Variants in CRPPA observed in about 807,000 individuals in gnomAD.
The protein encoded by CRPPA is D-ribitol-5-phosphate cytidylyltransferase.
CRPPA carries 43 observed loss-of-function variants against 52.0 expected under a neutral mutation model. That is an observed-to-expected ratio of 0.83 (90% CI 0.65 to 1.07). The LOEUF is 1.07. Among genes scored for constraint, CRPPA ranks in the 50% least tolerant of loss-of-function variants. The probability of loss-of-function intolerance (pLI) is 0.00; values close to 1 mark genes in which losing one functional copy is unlikely to be tolerated. For synonymous variants in CRPPA, 250 were observed against 203.5 expected, an observed-to-expected ratio of 1.23 and a Z score of -1.94; for missense variants, 629 against 551.7, an observed-to-expected ratio of 1.14 and a Z score of -1.40.
Position 16,090,335 on chromosome 7 carries a change from T to A in CRPPA, c.*1360A>T, listed in dbSNP as rs1036991697. ...CACAAGGTAGATATTGTATAGTGTATCTTTAACTGAAAACACTTCATGCAA... is the reference window on the plus strand; with the variant it reads ...CACAAGGTAGATATTGTATAGTGTAACTTTAACTGAAAACACTTCATGCAA... On this transcript the variant is annotated 3_prime_UTR_variant, in exon 10 of 10. Transcript: ENST00000407010. 2.0e-5 allele frequency: 3 copies of A among 152,092 alleles called. No homozygotes were observed. The highest frequency in any genetic ancestry group is 2.9e-5 in the Non-Finnish European group (2 of 68,032). The allele number at this position is 152,092 out of a possible 1,614,324, so 9.4% of individuals were successfully genotyped here.
chr7:16,096,786 T>C (rs1257983842), intron 9 of CRPPA, among the ~76,000 whole-genome samples: 4 of 152,018 alleles, frequency 2.6e-5, no homozygotes, highest in Admixed American at 6.6e-5. Flanking sequence ...ATAGCAAAAA[T>C]AGAGACCAGC....
rs886043226 is a variant in CRPPA at position 16,376,136 on chromosome 7, G to A, written c.640C>T (p.Pro214Ser). 1 of 1,611,722 alleles carries A rather than the reference G, an allele frequency of 6.2e-7. No individual in the cohort carries two copies. The highest frequency in any genetic ancestry group is 1.3e-5 in the African/African-American group (1 of 74,980). Residue 214 changes from proline to serine, a missense_variant, in exon 3 of 10, where the codon CCC becomes TCC. Transcript: ENST00000407010. ...ERARHRASEM[P>S]QAFLFDVIYE... Reference sequence around the variant, plus strand: ...ATCACATCAAATAGAAAAGCTTGGGGCATTTCACTTGCTCTGTGTCTGGCA... The same window carrying A: ...ATCACATCAAATAGAAAAGCTTGGGACATTTCACTTGCTCTGTGTCTGGCA...
intron 4 of CRPPA, among the ~76,000 whole-genome samples, chr7:16,308,036 G>C (rs1439596470): frequency 6.6e-6 from 1 of 152,080 alleles, no homozygotes; most frequent in African/African-American, 2.4e-5. Flanking sequence ...CTGGATCGTG[G>C]GGGCAGATTT....
intron 2 of CRPPA, among the ~76,000 whole-genome samples, chr7:16,400,356 A>G (rs1468901750): frequency 1.3e-5 from 2 of 152,354 alleles, no homozygotes; most frequent in Non-Finnish European, 2.9e-5. Flanking sequence ...CATGATTGAC[A>G]CATGACCAAC....
At chr7:16,254,310 T>G (rs1289694548) in intron 8 of CRPPA, among the ~76,000 whole-genome samples, 1 of 152,070 alleles carries the variant, frequency 6.6e-6, no homozygotes, top group Non-Finnish European at 1.5e-5. Context: ...GCGGCACTAT[T>G]CACAATAGCA....
intron 2 of CRPPA, among the ~76,000 whole-genome samples, chr7:16,405,187 A>G (rs1453508641): frequency 1.3e-5 from 2 of 152,122 alleles, no homozygotes; most frequent in Admixed American, 6.5e-5. Flanking sequence ...AAACTATTAC[A>G]TAGATGTTAT....
intron 3 of CRPPA, among the ~76,000 whole-genome samples, chr7:16,354,336 A>G (rs1786241777): frequency 6.6e-6 from 1 of 152,202 alleles, no homozygotes; most frequent in African/African-American, 2.4e-5. Context: ...GCACCAGAAC[A>G]TGATACAACA....
intron 9 of CRPPA, among the ~76,000 whole-genome samples, chr7:16,109,629 C>T (rs921850357): frequency 6.6e-6 from 1 of 151,804 alleles, no homozygotes; most frequent in African/African-American, 2.4e-5. Context: ...GGATAATCTA[C>T]TATGACAGAT....
In CRPPA at chr7:16,421,218, C is replaced by T; in HGVS notation, c.105G>A (p.Val35=). 1 of 1,342,438 alleles carries T rather than the reference C, an allele frequency of 7.4e-7. No homozygotes were observed. Among genetic ancestry groups the T allele is most frequent in the South Asian group, 2.0e-5 (1 of 49,308 alleles). 83.2% of individuals were successfully genotyped at this position (1,342,438 alleles called of 1,614,324 possible). Residue 35 remains valine (V), a synonymous_variant, in exon 1 of 10, where the codon GTG becomes GTA. Coordinates refer to ENST00000407010, the MANE Select transcript of CRPPA (RefSeq NM_001101426.4). ...GGTGGCGCCCGGGCTCGGTCCCGGC[C>T]ACGCTCTGCAGGGAGGCGGAAGCCG... ...DHTASASLQS[V]AGTEPGRHPQ...
chr7:16,251,403 C>T (rs1250406527), intron 8 of CRPPA, among the ~76,000 whole-genome samples: 1 of 152,158 alleles, frequency 6.6e-6, no homozygotes, highest in Non-Finnish European at 1.5e-5. Context: ...GAACTCTCCA[C>T]CCCAAATCAA....
At position 16,379,051 on chromosome 7, in the gene CRPPA, G is replaced by C. The variant is rs1786996449; in HGVS notation, c.535-2810C>G. Among the ~76,000 whole-genome samples, 3 of 152,064 alleles carry C rather than the reference G, an allele frequency of 2.0e-5. 1 individual carries two copies. The highest frequency in any genetic ancestry group is 1.5e-5 in the Non-Finnish European group (1 of 68,006). Reference sequence around the variant, plus strand: ...GGTTGCGAAAATTTTCTCACATTTTGTAGGTTGCCTGTTCGCTCTGATGGT... The same window carrying C: ...GGTTGCGAAAATTTTCTCACATTTTCTAGGTTGCCTGTTCGCTCTGATGGT... On this transcript the variant is annotated intron_variant, in intron 2 of 9. Coordinates refer to ENST00000407010, the MANE Select transcript of CRPPA (RefSeq NM_001101426.4).
chr7:16,120,955 A>C (rs976979968), intron 9 of CRPPA, among the ~76,000 whole-genome samples: 1 of 152,154 alleles, frequency 6.6e-6, no homozygotes, highest in African/African-American at 2.4e-5. Flanking sequence ...CATTTTACAC[A>C]AAGACAAGCC....
intron 8 of CRPPA, among the ~76,000 whole-genome samples, chr7:16,225,598 G>A (rs188988905): frequency 8.5e-4 from 129 of 151,936 alleles, no homozygotes; most frequent in African/African-American, 2.8e-3. Context: ...AAATTTATCC[G>A]AGTTTACAAT....
At chr7:16,287,383 A>G (rs1784472839) in intron 5 of CRPPA, among the ~76,000 whole-genome samples, 3 of 152,158 alleles carry the variant, frequency 2.0e-5, no homozygotes, top group Non-Finnish European at 2.9e-5. Context: ...ATTTCTCAGT[A>G]TCATCCCAAG....
intron 9 of CRPPA, among the ~76,000 whole-genome samples, chr7:16,165,286 C>T (rs1781030886): frequency 6.6e-6 from 1 of 150,380 alleles, no homozygotes; most frequent in Admixed American, 6.6e-5. Context: ...TTTATGATTA[C>T]ATATGATAAA....
chr7:16,170,480 A>C (rs1257620817), intron 9 of CRPPA, among the ~76,000 whole-genome samples: 1 of 152,140 alleles, frequency 6.6e-6, no homozygotes, highest in East Asian at 1.9e-4. Context: ...GAAGCTGCAG[A>C]CCTTTGCAGT....
chr7:16,267,300 T>C (rs1783980922), intron 6 of CRPPA, among the ~76,000 whole-genome samples: 1 of 152,238 alleles, frequency 6.6e-6, no homozygotes. Context: ...ATTTTAGATG[T>C]GTATTTCTCG....
intron 4 of CRPPA, among the ~76,000 whole-genome samples, chr7:16,304,100 T>C (rs1784853179): frequency 6.6e-6 from 1 of 152,132 alleles, no homozygotes; most frequent in African/African-American, 2.4e-5. Flanking sequence ...GTCACAAATA[T>C]GGTACAACTC....
At chr7:16,381,055 C>G (rs879240256) in intron 2 of CRPPA, among the ~76,000 whole-genome samples, 1 of 151,242 alleles carries the variant, frequency 6.6e-6, no homozygotes, top group Non-Finnish European at 1.5e-5. Context: ...TTTGCTCTTG[C>G]TTTTCTAGTT....
Sources: gnomAD v4.1 joint callset for allele counts (sites outside exome capture counted in the v4.1 genomes callset) on GRCh38, gnomAD v4.1.1 for gene constraint, MANE v1.5 for transcripts, NCBI Gene and HGNC (gene_info 2026-07-23, HGNC 2026-07-21) for gene names.